PCCA: variants seen among roughly 807,000 people sequenced by gnomAD.
The protein encoded by PCCA is propionyl-CoA carboxylase subunit alpha.
A neutral mutation model predicts 101.3 loss-of-function variants in PCCA; 74 were observed. The observed-to-expected ratio is 0.73, with a 90% CI of 0.61 to 0.89. The LOEUF (loss-of-function observed/expected upper bound fraction) is 0.89. PCCA is among the 40% of genes least tolerant of loss of function. The pLI is 0.00. For synonymous variants in PCCA, 294 were observed against 313.6 expected, an observed-to-expected ratio of 0.94 and a Z score of 0.66; for missense variants, 891 against 907.0, an observed-to-expected ratio of 0.98 and a Z score of 0.23.
At chr13:100,091,151 G>C (rs571679060) in intron 1 of PCCA, among the ~76,000 whole-genome samples, 1 of 152,190 alleles carries the variant, frequency 6.6e-6, no homozygotes, top group African/African-American at 2.4e-5. Flanking sequence ...GGCTCTTATA[G>C]ATCACATTAT....
chr13:100,253,634 A>G (rs1372830439), intron 8 of PCCA, among the ~76,000 whole-genome samples: 1 of 152,168 alleles, frequency 6.6e-6, no homozygotes, highest in Non-Finnish European at 1.5e-5. Context: ...TTTTCTTCGT[A>G]TATTTTGTCA....
intron 16 of PCCA, among the ~76,000 whole-genome samples, chr13:100,317,906 C>A (rs1282839705): frequency 6.6e-6 from 1 of 152,150 alleles, no homozygotes; most frequent in Non-Finnish European, 1.5e-5. Context: ...CCCATTCTTG[C>A]CATCAGTCCC....
At chr13:100,329,020 G>A (rs1280265485) in intron 16 of PCCA, among the ~76,000 whole-genome samples, 5 of 149,690 alleles carry the variant, frequency 3.3e-5, no homozygotes, top group Admixed American at 3.3e-4. Context: ...GGTCCAAATG[G>A]TTAGCTGTTT....
At chr13:100,305,407 G>T (rs887653335) in intron 14 of PCCA, among the ~76,000 whole-genome samples, 3 of 152,136 alleles carry the variant, frequency 2.0e-5, no homozygotes, top group Admixed American at 6.5e-5. Flanking sequence ...ATTCTTTATT[G>T]TCTATGTTAT....
intron 4 of PCCA, among the ~76,000 whole-genome samples, chr13:100,112,837 A>G (rs964241107): frequency 6.6e-6 from 1 of 152,108 alleles, no homozygotes; most frequent in African/African-American, 2.4e-5. Flanking sequence ...CGGCCTCCCA[A>G]AGTGCTGGGA....
chr13:100,517,829 G>C (rs2086946409), intron 22 of PCCA, among the ~76,000 whole-genome samples: 1 of 152,174 alleles, frequency 6.6e-6, no homozygotes, highest in African/African-American at 2.4e-5. Flanking sequence ...ACCCAATGCA[G>C]CCTGAGAAGT....
chr13:100,298,374 A>G (rs1482388522), intron 12 of PCCA, among the ~76,000 whole-genome samples: 4 of 152,086 alleles, frequency 2.6e-5, no homozygotes, highest in Non-Finnish European at 5.9e-5. Flanking sequence ...CAATCTGTTG[A>G]ACTGAGATTA....
intron 20 of PCCA, among the ~76,000 whole-genome samples, chr13:100,442,486 A>G (rs749100933): frequency 2.0e-5 from 3 of 152,238 alleles, no homozygotes; most frequent in Non-Finnish European, 4.4e-5. Flanking sequence ...TCCATTTTAC[A>G]TAATACAAAA....
At chr13:100,104,808 A>G (rs912928235) in intron 2 of PCCA, among the ~76,000 whole-genome samples, 1 of 152,058 alleles carries the variant, frequency 6.6e-6, no homozygotes, top group Non-Finnish European at 1.5e-5. Context: ...GGTTCAAGCA[A>G]TTCTCTTGCC....
At chr13:100,470,838 G>A (rs1482259396) in intron 21 of PCCA, among the ~76,000 whole-genome samples, 1 of 152,012 alleles carries the variant, frequency 6.6e-6, no homozygotes, top group Non-Finnish European at 1.5e-5. Flanking sequence ...CAGCCTGGGC[G>A]ACAGAGTGAG....
At chr13:100,091,361 G>A (rs1297131495) in intron 1 of PCCA, among the ~76,000 whole-genome samples, 1 of 152,192 alleles carries the variant, frequency 6.6e-6, no homozygotes, top group Non-Finnish European at 1.5e-5. Context: ...TGTTGGCAGA[G>A]ACTGCATCTT....
At chr13:100,220,094 T>G (rs1029409358) in intron 7 of PCCA, among the ~76,000 whole-genome samples, 1 of 152,146 alleles carries the variant, frequency 6.6e-6, no homozygotes. Flanking sequence ...ACTTGAGGGC[T>G]TACTCCTGAA....
chr13:100,255,398 A>C (rs966344514), intron 8 of PCCA, among the ~76,000 whole-genome samples: 1 of 152,212 alleles, frequency 6.6e-6, no homozygotes, highest in Non-Finnish European at 1.5e-5. Context: ...AAATCACTGT[A>C]TAGTCCAGGG....
chr13:100,099,088 G>A (rs904554675), intron 1 of PCCA, among the ~76,000 whole-genome samples: 2 of 152,166 alleles, frequency 1.3e-5, no homozygotes, highest in Non-Finnish European at 2.9e-5. Context: ...CAGTTTTGAG[G>A]ATAGTTTCTT....
At chr13:100,477,106 C>A (rs1424659684) in intron 21 of PCCA, among the ~76,000 whole-genome samples, 5 of 152,148 alleles carry the variant, frequency 3.3e-5, no homozygotes, top group African/African-American at 4.8e-5. Flanking sequence ...AAGTCAAGTG[C>A]ATACTAATTT....
intron 16 of PCCA, 41 bp from the exon 17 acceptor site, chr13:100,330,520 C>A: frequency 8.3e-7 from 1 of 1,210,994 alleles, no homozygotes; most frequent in Non-Finnish European, 1.2e-6. Flanking sequence ...CAATTTTTCA[C>A]TGATTCATTG....
intron 18 of PCCA, among the ~76,000 whole-genome samples, chr13:100,363,722 TGGCACAACAAAAACCA>T (rs1406683223): frequency 6.6e-6 from 1 of 151,830 alleles, no homozygotes; most frequent in Non-Finnish European, 1.5e-5. Context: ...AAAGAGGTGA[TGGCACAACAAAAACCA>T]GCTTTTTTGA....
At chr13:100,337,961 A>G (rs979431600) in intron 17 of PCCA, among the ~76,000 whole-genome samples, 1 of 152,268 alleles carries the variant, frequency 6.6e-6, no homozygotes, top group Non-Finnish European at 1.5e-5. Context: ...GTCTTCCTGC[A>G]CATGACACAT....
chr13:100,302,610 T>C (rs940700292), intron 13 of PCCA, among the ~76,000 whole-genome samples: 6 of 152,154 alleles, frequency 3.9e-5, no homozygotes, highest in Admixed American at 2.0e-4. Context: ...CTTGAGTATG[T>C]TTTGATGTAG....
Sources: allele counts gnomAD v4.1 joint callset (sites outside exome capture counted in the v4.1 genomes callset), GRCh38; gene constraint gnomAD v4.1.1; transcripts MANE v1.5; gene names NCBI Gene and HGNC (gene_info 2026-07-23, HGNC 2026-07-21).